PIGX: variants seen among roughly 807,000 people sequenced by gnomAD.
PIGX encodes phosphatidylinositol glycan anchor biosynthesis class X, also known as GPI alpha-1,4-mannosyltransferase I, stabilizing subunit.
PIGX carries 24 observed loss-of-function variants against 28.7 expected under a neutral mutation model. The ratio of observed to expected loss-of-function variants is 0.84; its 90% CI spans 0.60 to 1.17. PIGX has a LOEUF of 1.17. PIGX is among the 50% of genes most tolerant of loss of function. The pLI is 0.00. For missense variants in PIGX, 305 were observed against 317.8 expected (o/e 0.96, Z 0.31); for synonymous variants, 127 against 121.0 (o/e 1.05, Z -0.33).
chr3:196,727,283 A>G (rs917148968), intron 3 of PIGX, among the ~76,000 whole-genome samples: 17 of 152,250 alleles, frequency 1.1e-4, no homozygotes, highest in African/African-American at 2.2e-4. Context: ...TATACATGTT[A>G]TAACTTAGGT....
chr3:196,729,860 A>G (rs952709147), intron 4 of PIGX, among the ~76,000 whole-genome samples: 4 of 151,504 alleles, frequency 2.6e-5, no homozygotes, highest in African/African-American at 9.7e-5. Context: ...AGTTGAGGTC[A>G]GGAGTTCGAA....
chr3:196,714,449 G>A (rs968410838), intron 1 of PIGX, among the ~76,000 whole-genome samples: 1 of 147,680 alleles, frequency 6.8e-6, no homozygotes, highest in Non-Finnish European at 1.5e-5. Flanking sequence ...GTGTGACAGA[G>A]TAAGGCCCTG....
chr3:196,727,659 C>T (rs1200691892), intron 3 of PIGX, among the ~76,000 whole-genome samples: 1 of 152,072 alleles, frequency 6.6e-6, no homozygotes, highest in Non-Finnish European at 1.5e-5. Context: ...GAAAATATTA[C>T]AGGAATAATT....
At chr3:196,712,672 G>T in intron 1 of PIGX, 28 bp downstream of exon 1, 2 of 1,180,134 alleles carry the variant, frequency 1.7e-6, no homozygotes, top group South Asian at 8.5e-5. Context: ...TGGGGGGCCA[G>T]AGCGTGGGAG....
At chr3:196,728,684 T>A (rs1173886489) in intron 4 of PIGX, 1 of 766,330 alleles carries the variant, frequency 1.3e-6, no homozygotes. Context: ...TACTTCTTTA[T>A]TTACTGGAAA....
intron 1 of PIGX, among the ~76,000 whole-genome samples, chr3:196,714,332 C>T (rs977939525): frequency 1.3e-5 from 2 of 152,128 alleles, no homozygotes; most frequent in Non-Finnish European, 2.9e-5. Context: ...GGTGTGGTGG[C>T]GTGGGCCTAT....
At position 196,727,986 on chromosome 3, in the gene PIGX, G is replaced by A; in HGVS notation, c.382G>A (p.Val128Ile). The stretch of plus-strand genomic sequence containing the variant: ...TAACTATTTGTCCAAGGAGTCTGAA[G>A]TTCTCATTTATGCCAGACGAGATTC... The change falls in exon 4 of 6, where the codon GTT becomes ATT. Residue 128 changes from valine to isoleucine, a missense_variant. By Grantham distance (29) the Val-to-Ile change is conservative (BLOSUM62 3). Coordinates refer to ENST00000392391, the MANE Select transcript of PIGX (RefSeq NM_017861.4). 6.2e-7 allele frequency: 1 copy of A among 1,614,130 alleles called. No homozygotes were observed.
At chr3:196,722,383 A>C in intron 2 of PIGX, 32 bp from the exon 3 acceptor site, 2 of 1,531,696 alleles carry the variant, frequency 1.3e-6, no homozygotes, top group South Asian at 1.1e-5. Flanking sequence ...AGTTGAATGA[A>C]GAGATTTACT....
At position 196,712,653 on chromosome 3, in the gene PIGX, G is replaced by A. The variant is rs1577665048; in HGVS notation, c.112+9G>A. The A allele has an allele frequency of 8.4e-7, 1 of 1,186,888 alleles. No individual in the cohort carries two copies. Among genetic ancestry groups the A allele is most frequent in the South Asian group, 4.2e-5 (1 of 23,818 alleles). The allele number at this position is 1,186,888 out of a possible 1,614,324, so 73.5% of individuals were successfully genotyped here. A position where few individuals can be genotyped will look rare whatever the true frequency, so the allele number is the denominator to read the frequency against. On this transcript the variant is annotated intron_variant, in intron 1 of 5. Transcript: ENST00000392391. Reference sequence around the variant, plus strand: ...CGCGCGCTCTGACGCCGGTAAGGGGGGCGGGGCTTGGGGGGCCAGAGCGTG... The same window carrying A: ...CGCGCGCTCTGACGCCGGTAAGGGGAGCGGGGCTTGGGGGGCCAGAGCGTG...
At position 196,722,548 on chromosome 3, in the gene PIGX, A is replaced by G. The variant is rs1039253216; in HGVS notation, c.310A>G (p.Ile104Val). 5.6e-6 allele frequency: 9 copies of G among 1,613,332 alleles called. No individual in the cohort carries two copies. The highest frequency in any genetic ancestry group is 7.6e-6 in the Non-Finnish European group (9 of 1,179,462). The change falls in exon 3 of 6, where the codon ATA becomes GTA. Residue 104 changes from isoleucine (I) to valine (V), a missense_variant. Coordinates refer to ENST00000392391, the MANE Select transcript of PIGX (RefSeq NM_017861.4). Reference sequence around the variant, plus strand: ...GTTGGCTTCATTACGAGAGAGAAACATAACAGAGGTACAGTTATTAGGGGA... The same window carrying G: ...GTTGGCTTCATTACGAGAGAGAAACGTAACAGAGGTACAGTTATTAGGGGA...
chr3:196,724,171 T>C (rs1437338513), intron 3 of PIGX, among the ~76,000 whole-genome samples: 2 of 151,958 alleles, frequency 1.3e-5, no homozygotes, highest in African/African-American at 4.8e-5. Flanking sequence ...CATGCCACCA[T>C]GCCTGGCTAA....
intron 5 of PIGX, among the ~76,000 whole-genome samples, chr3:196,731,990 T>A (rs960314165): frequency 2.0e-5 from 3 of 150,916 alleles, no homozygotes; most frequent in African/African-American, 7.3e-5. Context: ...CATGCCCGGC[T>A]AATTTTTGTA....
chr3:196,731,660 A>G (rs2108689165), intron 5 of PIGX, among the ~76,000 whole-genome samples: 1 of 152,248 alleles, frequency 6.6e-6, no homozygotes, highest in South Asian at 2.1e-4. Flanking sequence ...TGGTACCTGA[A>G]AATTTTTCTC....
rs1317029178 is a variant in PIGX, at chr3:196,735,874, T to C, written c.*1972T>C. The C allele has an allele frequency of 1.3e-5, 2 of 152,160 alleles. No homozygotes were observed. The highest frequency in any genetic ancestry group is 2.9e-5 in the Non-Finnish European group (2 of 68,042). The allele number at this position is 152,160 out of a possible 1,614,324, so 9.4% of individuals were successfully genotyped here. A position where few individuals can be genotyped will look rare whatever the true frequency, so the allele number is the denominator to read the frequency against. The stretch of plus-strand genomic sequence containing the variant: ...TGTGGGGGTATGTGTATACAGAATG[T>C]TTTTGTTTTTGCTCATCACAACCAG... On this transcript the variant is annotated 3_prime_UTR_variant, in exon 6 of 6. Coordinates refer to ENST00000392391, the MANE Select transcript of PIGX (RefSeq NM_017861.4).
rs1324060659 is a variant in PIGX, at chr3:196,722,426, T to C, written c.188T>C (p.Ile63Thr). The C allele has an allele frequency of 6.2e-7, 1 of 1,611,188 alleles. No homozygotes were observed. Among genetic ancestry groups the C allele is most frequent in the South Asian group, 1.1e-5 (1 of 90,928 alleles). The change falls in exon 3 of 6, where the codon ATC (isoleucine) becomes ACC (threonine). Residue 63 changes from isoleucine to threonine, a missense_variant. Transcript: ENST00000392391. ...TACTTGTCTTACAGAGACCTTTTAA[T>C]CAAAGTGAAGTTTGGGGAAAGCATT...
chr3:196,735,791 G>A lies in PIGX; in HGVS notation c.*1889G>A, dbSNP rs1362577219. On this transcript the variant is annotated 3_prime_UTR_variant, in exon 6 of 6. Coordinates refer to ENST00000392391, the MANE Select transcript of PIGX (RefSeq NM_017861.4). ...GGATATGGTTAGATTGACAGGCAAC[G>A]TTTTGGAATATGGTTAGACGGGGAG... 1.3e-5 allele frequency: 2 copies of A among 152,152 alleles called. No individual in the cohort carries two copies. The highest frequency in any genetic ancestry group is 4.8e-5 in the African/African-American group (2 of 41,434). 9.4% of individuals were successfully genotyped at this position (152,152 alleles called of 1,614,324 possible). A position where few individuals can be genotyped will look rare whatever the true frequency, so the allele number is the denominator to read the frequency against.
At chr3:196,731,145 T>C (rs1040019602) in intron 5 of PIGX, 53 bp downstream of exon 5, 5 of 1,014,630 alleles carry the variant, frequency 4.9e-6, no homozygotes, top group Non-Finnish European at 7.7e-6. Flanking sequence ...TTTAAAGCTC[T>C]TTCTGTAATG....
chr3:196,716,291 A>G (rs1369566634), intron 1 of PIGX, among the ~76,000 whole-genome samples: 1 of 151,868 alleles, frequency 6.6e-6, no homozygotes, highest in Non-Finnish European at 1.5e-5. Context: ...TAAACCTTCC[A>G]GCATCTCCAC....
At chr3:196,731,181 A>AT (rs773730665) in intron 5 of PIGX, 89 bp downstream of exon 5, 18,665 of 477,452 alleles carry the variant, frequency 0.039, 57 homozygotes, top group African/African-American at 0.06. Context: ...AGAGATTAGC[A>AT]TTTTTTTTTT....
Sources: allele counts gnomAD v4.1 joint callset (sites outside exome capture counted in the v4.1 genomes callset), GRCh38; gene constraint gnomAD v4.1.1; transcripts MANE v1.5; gene names NCBI Gene and HGNC (gene_info 2026-07-23, HGNC 2026-07-21).